AK5: variants seen among roughly 807,000 people sequenced by gnomAD.
The protein encoded by AK5 is adenylate kinase isoenzyme 5.
Under a neutral mutation model 69.5 loss-of-function variants are expected in AK5, and 27 were observed. The ratio of observed to expected loss-of-function variants is 0.39; its 90% CI spans 0.29 to 0.54. The LOEUF is 0.54. AK5 is among the 20% of genes least tolerant of loss of function. The pLI, the probability that AK5 is intolerant of heterozygous loss-of-function variation, is 0.71. For synonymous variants in AK5, 260 were observed against 244.4 expected, an observed-to-expected ratio of 1.06 and a Z score of -0.60; for missense variants, 531 against 700.4, an observed-to-expected ratio of 0.76 and a Z score of 2.73.
intron 8 of AK5, among the ~76,000 whole-genome samples, chr1:77,423,828 A>G (rs72681620): frequency 7.2e-6 from 1 of 139,270 alleles, no homozygotes; most frequent in Non-Finnish European, 1.5e-5. Flanking sequence ...CCGTGGGAGG[A>G]GAAAAAAAAA....
intron 5 of AK5, among the ~76,000 whole-genome samples, chr1:77,338,859 T>G (rs1350132034): frequency 2.6e-5 from 4 of 152,184 alleles, no homozygotes; most frequent in Non-Finnish European, 5.9e-5. Context: ...TTAATCTTCA[T>G]AATAACTCAA....
chr1:77,444,907 A>G lies in AK5; in HGVS notation c.1059+27192A>G, dbSNP rs1017648823. 3.3e-5 allele frequency among the ~76,000 whole-genome samples: 5 copies of G among 151,762 alleles called. No homozygotes were observed. The East Asian group carries it at 5.8e-4, about 18-fold the overall frequency. ...TCTGATCTTTATTTAAAGATTCCAC[A>G]TATAAGTGAGAGATCATGCAATATT... is the stretch of plus-strand genomic sequence containing the variant. On this transcript the variant is annotated intron_variant, in intron 8 of 13. Coordinates refer to ENST00000354567, the MANE Select transcript of AK5 (RefSeq NM_174858.3).
intron 5 of AK5, among the ~76,000 whole-genome samples, chr1:77,303,625 T>A (rs930006169): frequency 5.9e-5 from 9 of 152,160 alleles, no homozygotes; most frequent in Non-Finnish European, 2.9e-5. Context: ...AAAGTGAGAG[T>A]AAAAAAGGCA....
At chr1:77,500,936 A>G (rs968704042) in intron 10 of AK5, among the ~76,000 whole-genome samples, 3 of 152,194 alleles carry the variant, frequency 2.0e-5, no homozygotes, top group Non-Finnish European at 4.4e-5. Context: ...GCCAGAATTC[A>G]TGCTTATGAA....
chr1:77,558,948 A>G lies in AK5; in HGVS notation c.*278A>G, dbSNP rs1660282124. 2 of 340,994 alleles carry G rather than the reference A, an allele frequency of 5.9e-6. No homozygotes were observed. The highest frequency in any genetic ancestry group is 4.4e-5 in the Admixed American group (1 of 22,600). The allele number at this position is 340,994 out of a possible 1,614,324, so 21.1% of individuals were successfully genotyped here. A position where few individuals can be genotyped will look rare whatever the true frequency, so the allele number is the denominator to read the frequency against. On this transcript the variant is annotated 3_prime_UTR_variant, in exon 14 of 14. Coordinates refer to ENST00000354567, the MANE Select transcript of AK5 (RefSeq NM_174858.3). Reference sequence around the variant, plus strand: ...TTTGTATCATGCAGGCCACACTCAGAGCTAGTCAGTACATGAACAGTGGTG... The same window carrying G: ...TTTGTATCATGCAGGCCACACTCAGGGCTAGTCAGTACATGAACAGTGGTG...
At chr1:77,406,697 A>G (rs1445270126) in intron 6 of AK5, among the ~76,000 whole-genome samples, 1 of 151,190 alleles carries the variant, frequency 6.6e-6, no homozygotes, top group South Asian at 2.1e-4. Context: ...AAATTGCCTG[A>G]TGCTGAGGAA....
intron 8 of AK5, among the ~76,000 whole-genome samples, chr1:77,455,693 A>C (rs1200135567): frequency 6.6e-6 from 1 of 152,036 alleles, no homozygotes; most frequent in Admixed American, 6.6e-5. Flanking sequence ...GAAGGCAAAA[A>C]CTACTGCTCT....
intron 5 of AK5, among the ~76,000 whole-genome samples, chr1:77,300,311 TTTA>T (rs980198336): frequency 1.3e-5 from 2 of 152,210 alleles, no homozygotes; most frequent in Non-Finnish European, 2.9e-5. Flanking sequence ...GTAACTTACA[TTTA>T]TTGTTTTCAA....
chr1:77,302,961 C>T (rs1659424910), intron 5 of AK5, among the ~76,000 whole-genome samples: 1 of 152,092 alleles, frequency 6.6e-6, no homozygotes, highest in Non-Finnish European at 1.5e-5. Flanking sequence ...TGTCTGTGCC[C>T]TTACTACCCA....
chr1:77,340,756 AC>A (rs1234691986), intron 6 of AK5, 188 bp downstream of exon 6: 1 of 411,296 alleles, frequency 2.4e-6, no homozygotes, highest in African/African-American at 2.1e-5. Context: ...TTTTAAAAAA[AC>A]TTTCTTTTTA....
intron 8 of AK5, among the ~76,000 whole-genome samples, chr1:77,453,778 A>G (rs757442654): frequency 1.5e-4 from 23 of 152,236 alleles, no homozygotes; most frequent in Non-Finnish European, 2.2e-4. Context: ...TGGTCAGCCA[A>G]TCTTTTAATG....
At chr1:77,329,458 T>G (rs1660978276) in intron 5 of AK5, among the ~76,000 whole-genome samples, 1 of 152,066 alleles carries the variant, frequency 6.6e-6, no homozygotes, top group Non-Finnish European at 1.5e-5. Flanking sequence ...ATGGGGTGTT[T>G]CTGTGTTGCC....
At chr1:77,402,160 G>C (rs1382117910) in intron 6 of AK5, among the ~76,000 whole-genome samples, 1 of 152,120 alleles carries the variant, frequency 6.6e-6, no homozygotes, top group Non-Finnish European at 1.5e-5. Flanking sequence ...TCTGACCCAT[G>C]AAATGTAAAT....
intron 13 of AK5, among the ~76,000 whole-genome samples, chr1:77,557,515 G>A (rs1660168870): frequency 6.6e-6 from 1 of 152,004 alleles, no homozygotes; most frequent in Non-Finnish European, 1.5e-5. Flanking sequence ...GAGGAGAAGG[G>A]GCAGTACTTT....
intron 8 of AK5, among the ~76,000 whole-genome samples, chr1:77,476,121 G>A (rs557881620): frequency 6.6e-6 from 1 of 152,176 alleles, no homozygotes; most frequent in South Asian, 2.1e-4. Flanking sequence ...AGTTAGCCTA[G>A]CATCTACCAC....
At chr1:77,524,338 A>AT (rs1337786917) in intron 12 of AK5, among the ~76,000 whole-genome samples, 1 of 152,022 alleles carries the variant, frequency 6.6e-6, no homozygotes, top group Non-Finnish European at 1.5e-5. Context: ...TCTATTTTTA[A>AT]TTTTTTGAGG....
chr1:77,443,181 A>C (rs1411773282), intron 8 of AK5, among the ~76,000 whole-genome samples: 1 of 152,162 alleles, frequency 6.6e-6, no homozygotes, highest in Admixed American at 6.5e-5. Context: ...TTGATTATAC[A>C]TGTTGAGTAT....
At chr1:77,481,097 G>A (rs559944356) in intron 8 of AK5, among the ~76,000 whole-genome samples, 8 of 152,330 alleles carry the variant, frequency 5.3e-5, no homozygotes, top group African/African-American at 1.7e-4. Context: ...TTCGGTGGCT[G>A]GGTGCCTGGC....
chr1:77,400,710 A>G (rs1385841492), intron 6 of AK5, among the ~76,000 whole-genome samples: 1 of 152,056 alleles, frequency 6.6e-6, no homozygotes, highest in Non-Finnish European at 1.5e-5. Context: ...TATCACAACA[A>G]TTTTCTCTAG....
Sources: allele counts gnomAD v4.1 joint callset (sites outside exome capture counted in the v4.1 genomes callset), GRCh38; gene constraint gnomAD v4.1.1; transcripts MANE v1.5; gene names NCBI Gene and HGNC (gene_info 2026-07-23, HGNC 2026-07-21).